The following PRKAA1 variants were observed in gnomAD, a reference collection of about 807,000 sequenced individuals.
The protein encoded by PRKAA1 is protein kinase AMP-activated catalytic subunit alpha 1, also known as 5'-AMP-activated protein kinase catalytic subunit alpha-1.
PRKAA1 carries 23 observed loss-of-function variants against 56.9 expected under a neutral mutation model. The ratio of observed to expected loss-of-function variants is 0.40; its 90% CI spans 0.29 to 0.57. The LOEUF (loss-of-function observed/expected upper bound fraction) is 0.57, where lower values mean the gene tolerates loss of function less well. PRKAA1 is among the 20% of genes least tolerant of loss of function. The pLI, the probability that PRKAA1 is intolerant of heterozygous loss-of-function variation, is 0.39. For missense variants in PRKAA1, 413 were observed against 679.7 expected (o/e 0.61, Z 4.36); for synonymous variants, 226 against 227.0 (o/e 1.00, Z 0.04).
rs114524970 is a variant in PRKAA1 at position 40,774,774 on chromosome 5, C to A, written c.363+636G>T. Among the ~76,000 whole-genome samples the A allele has an allele frequency of 6.1e-3, 930 of 152,054 alleles. 13 individuals are homozygous for A. Among genetic ancestry groups the A allele is most frequent in the African/African-American group, 0.021 (881 of 41,468 alleles). ...CTTTTCAGGGCTAGCTACAGCTCTC[C>A]CACAAAGGGGCTTTTGCATACCACA... On this transcript the variant is annotated intron_variant, in intron 3 of 8. Transcript: ENST00000397128.
chr5:40,782,869 G>C lies in PRKAA1; in HGVS notation c.128-5283C>G, dbSNP rs541993444. ...AAGCCCCCCAACCACCCAAAAGAAGGCATAATAAGCAGAACAAAATCCATA... is the reference window on the plus strand; with the variant it reads ...AAGCCCCCCAACCACCCAAAAGAAGCCATAATAAGCAGAACAAAATCCATA... On this transcript the variant is annotated intron_variant, in intron 1 of 8. Transcript: ENST00000397128. 4.6e-5 allele frequency among the ~76,000 whole-genome samples: 7 copies of C among 152,122 alleles called. No individual in the cohort carries two copies. In the South Asian group the frequency reaches 1.5e-3, roughly 32 times the overall value.
At chr5:40,774,811 T>C (rs1207195297) in intron 3 of PRKAA1, 1 of 774,246 alleles carries the variant, frequency 1.3e-6, no homozygotes. Flanking sequence ...AACCTGGGTA[T>C]GAGAAAAAGT....
chr5:40,776,388 G>C (rs1185067516), intron 2 of PRKAA1, among the ~76,000 whole-genome samples: 2 of 152,234 alleles, frequency 1.3e-5, no homozygotes, highest in Non-Finnish European at 2.9e-5. Flanking sequence ...GCCGGGTTGA[G>C]TTTTAAATGT....
rs1745042769 is a variant in PRKAA1, at chr5:40,798,291, C to T, written c.-102G>A. The T allele has an allele frequency of 6.0e-6, 4 of 667,008 alleles. No homozygotes were observed. Among genetic ancestry groups the T allele is most frequent in the Non-Finnish European group, 8.5e-6 (4 of 469,838 alleles). 41.3% of individuals were successfully genotyped at this position (667,008 alleles called of 1,614,324 possible). ...GGCAGCCACCGAGCCGAGTCACCGC[C>T]CTGCGCCGCCAGCCCAGGCCCCGCA... On this transcript the variant is annotated 5_prime_UTR_variant, in exon 1 of 9. Transcript: ENST00000397128.
intron 1 of PRKAA1, among the ~76,000 whole-genome samples, chr5:40,792,529 A>G (rs1020139003): frequency 4.6e-5 from 7 of 152,230 alleles, no homozygotes; most frequent in African/African-American, 1.7e-4. Flanking sequence ...ATACTCTACC[A>G]GCATTGTATG....
At position 40,775,655 on chromosome 5, in the gene PRKAA1, G is replaced by A. The variant is rs573601534; in HGVS notation, c.270-152C>T. 59 of 599,796 alleles carry A rather than the reference G, an allele frequency of 9.8e-5. No individual in the cohort carries two copies. The South Asian group carries it at 1.2e-3, about 12-fold the overall frequency. The allele number at this position is 599,796 out of a possible 1,614,324, so 37.2% of individuals were successfully genotyped here. On this transcript the variant is annotated intron_variant, in intron 2 of 8. Transcript: ENST00000397128. ...AATTCTCTGCTCTCATGGAGTTCAT[G>A]TTCCAGGAACCAGGAAACAGACACT...
chr5:40,773,880 G>C (rs939391789), intron 3 of PRKAA1, among the ~76,000 whole-genome samples: 10 of 152,166 alleles, frequency 6.6e-5, no homozygotes, highest in African/African-American at 2.4e-4. Context: ...CACCAAGGCA[G>C]GGATAAGGCA....
chr5:40,783,008 A>G (rs1744323952), intron 1 of PRKAA1, among the ~76,000 whole-genome samples: 1 of 152,186 alleles, frequency 6.6e-6, no homozygotes, highest in Admixed American at 6.5e-5. Context: ...AAGTAATAGA[A>G]GAAATCACAA....
chr5:40,773,584 G>A (rs186972757), intron 3 of PRKAA1, among the ~76,000 whole-genome samples: 20 of 152,236 alleles, frequency 1.3e-4, no homozygotes, highest in Admixed American at 1.3e-3. Context: ...TAATCAAGAG[G>A]AGTCACCAAG....
Position 40,764,636 on chromosome 5 carries a change from ACAAC to A in PRKAA1, c.1309_1312del (p.Val437Ter). 1 of 1,613,438 alleles carries A rather than the reference ACAAC, an allele frequency of 6.2e-7. No individual in the cohort carries two copies. Among genetic ancestry groups the A allele is most frequent in the East Asian group, 2.2e-5 (1 of 44,860 alleles). On this transcript the variant is annotated frameshift_variant and splice_region_variant, in exon 8 of 9. Transcript: ENST00000397128. LOFTEE classifies it high-confidence loss of function. ...TCGTACACGCAAATAATATGGGTTTACAACCTAGCACATGGTATAACAAAAACCA... is the reference window on the plus strand; with the variant it reads ...TCGTACACGCAAATAATATGGGTTTACTAGCACATGGTATAACAAAAACCA...
chr5:40,772,699 T>A (rs941946539), intron 3 of PRKAA1, among the ~76,000 whole-genome samples: 1 of 152,110 alleles, frequency 6.6e-6, no homozygotes, highest in African/African-American at 2.4e-5. Flanking sequence ...AGTGATGCCA[T>A]CACGGCTCAC....
At chr5:40,769,044 C>T in intron 5 of PRKAA1, 1 of 799,772 alleles carries the variant, frequency 1.3e-6, no homozygotes, top group Non-Finnish European at 1.9e-6. Flanking sequence ...CTACAAAATG[C>T]CATCTATGTA....
chr5:40,765,053 T>C lies in PRKAA1; in HGVS notation c.1007A>G (p.His336Arg). Reference protein sequence around the residue: ...NHQDPLAVAYHLIIDNRRIMN... With the variant: ...NHQDPLAVAYRLIIDNRRIMN... Reference sequence around the variant, plus strand: ...TATTCTCCTGTTATCTATTATGAGATGGTAGGCAACTGCCAAAGGATCCTG... The same window carrying C: ...TATTCTCCTGTTATCTATTATGAGACGGTAGGCAACTGCCAAAGGATCCTG... The change falls in exon 7 of 9, where the codon CAT becomes CGT. Residue 336 changes from histidine (H) to arginine (R), a missense_variant. His to Arg is a conservative substitution (Grantham distance 29). Around this residue, in one of 9 missense-constraint regions of PRKAA1, gnomAD observed 1 missense variants for 19.8 expected, o/e 0.05. Transcript: ENST00000397128. The C allele has an allele frequency of 1.2e-6, 2 of 1,614,168 alleles. No homozygotes were observed. The highest frequency in any genetic ancestry group is 1.7e-6 in the Non-Finnish European group (2 of 1,180,008).
Position 40,759,826 on chromosome 5 carries a change from G to A in PRKAA1, c.*2952C>T, listed in dbSNP as rs1243598716. ...AAAAGCATCTCAAGAAAAAAATTAGGTAAAAGCAATGGAGTTTATTTCAGT... is the reference window on the plus strand; with the variant it reads ...AAAAGCATCTCAAGAAAAAAATTAGATAAAAGCAATGGAGTTTATTTCAGT... On this transcript the variant is annotated 3_prime_UTR_variant, in exon 9 of 9. Coordinates refer to ENST00000397128, the MANE Select transcript of PRKAA1 (RefSeq NM_006251.6). 6.6e-6 allele frequency: 1 copy of A among 152,164 alleles called. No individual in the cohort carries two copies. Among genetic ancestry groups the A allele is most frequent in the Non-Finnish European group, 1.5e-5 (1 of 68,018 alleles). 9.4% of individuals were successfully genotyped at this position (152,164 alleles called of 1,614,324 possible).
chr5:40,790,731 G>T (rs1744685767), intron 1 of PRKAA1, among the ~76,000 whole-genome samples: 1 of 151,920 alleles, frequency 6.6e-6, no homozygotes, highest in Admixed American at 6.6e-5. Context: ...GTAGAGATGG[G>T]GTTTCACCAT....
chr5:40,798,233 G>A lies in PRKAA1; in HGVS notation c.-44C>T, dbSNP rs1278671249. 2 of 503,004 alleles carry A rather than the reference G, an allele frequency of 4.0e-6. No individual in the cohort carries two copies. Among genetic ancestry groups the A allele is most frequent in the African/African-American group, 2.1e-5 (1 of 48,068 alleles). The allele number at this position is 503,004 out of a possible 1,614,324, so 31.2% of individuals were successfully genotyped here. On this transcript the variant is annotated 5_prime_UTR_variant, in exon 1 of 9. Coordinates refer to ENST00000397128, the MANE Select transcript of PRKAA1 (RefSeq NM_006251.6). ...GGAGGGGGCGGGCAGGGCCGCGCCG[G>A]GGGCGGGCGGGGAGGGGGTGGGGAC...
intron 1 of PRKAA1, among the ~76,000 whole-genome samples, chr5:40,779,828 T>G (rs1051104163): frequency 1.7e-4 from 26 of 152,194 alleles, no homozygotes; most frequent in African/African-American, 6.3e-4. Flanking sequence ...AACATTTTTA[T>G]GTACATGCAC....
chr5:40,792,129 A>G (rs551640005), intron 1 of PRKAA1, among the ~76,000 whole-genome samples: 2 of 152,208 alleles, frequency 1.3e-5, no homozygotes, highest in Non-Finnish European at 2.9e-5. Context: ...GTGTATCTTT[A>G]AAGAGACATA....
At chr5:40,763,150 C>T in intron 8 of PRKAA1, 128 bp from the exon 9 acceptor site, 2 of 834,512 alleles carry the variant, frequency 2.4e-6, no homozygotes, top group Non-Finnish European at 3.7e-6. Context: ...ATTCTAAATA[C>T]CTTCTAAAAC....
Sources: allele counts gnomAD v4.1 joint callset (sites outside exome capture counted in the v4.1 genomes callset), GRCh38; gene constraint gnomAD v4.1.1; regional missense constraint gnomAD v4.1.1; transcripts MANE v1.5; gene names NCBI Gene and HGNC (gene_info 2026-07-23, HGNC 2026-07-21).